The following NRXN3 variants were observed in gnomAD, a reference collection of about 807,000 sequenced individuals.
NRXN3 encodes neurexin 3, also known as neurexin III.
In NRXN3, 32 loss-of-function variants were observed where a neutral mutation model predicts 137.6. The ratio of observed to expected loss-of-function variants is 0.23; its 90% CI spans 0.18 to 0.31. NRXN3 has a LOEUF of 0.31. NRXN3 is among the 10% of genes least tolerant of loss of function. The pLI, the probability that NRXN3 is intolerant of heterozygous loss-of-function variation, is 1.00. For synonymous variants in NRXN3, 798 were observed against 784.5 expected (o/e 1.02, Z -0.29); for missense variants, 1,574 against 2,062.5 (o/e 0.76, Z 4.59).
chr14:78,795,972 A>G lies in NRXN3; in HGVS notation c.2045-7648A>G, dbSNP rs1218263686. ...ACCCCTGCTCCTTGTTTTGGAAGCC[A>G]AAAGGACAAGAGCTTTCTTACCTGC... On this transcript the variant is annotated intron_variant, in intron 8 of 20. Transcript: ENST00000335750. 3.3e-5 allele frequency among the ~76,000 whole-genome samples: 5 copies of G among 152,224 alleles called. No individual in the cohort carries two copies. The East Asian group carries it at 9.6e-4, about 29-fold the overall frequency.
chr14:79,187,855 G>A (rs11159398), intron 15 of NRXN3, among the ~76,000 whole-genome samples: 5,431 of 152,310 alleles, frequency 0.036, 234 homozygotes, highest in East Asian at 0.21. Context: ...TTGAGGACAT[G>A]GGTCATGCCC....
At chr14:79,783,725 G>A (rs1014093587) in intron 19 of NRXN3, among the ~76,000 whole-genome samples, 10 of 152,120 alleles carry the variant, frequency 6.6e-5, no homozygotes, top group Admixed American at 1.3e-4. Flanking sequence ...TATCATGTAT[G>A]TCTTTAGAAT....
At chr14:78,326,553 G>T (rs2080107009) in intron 4 of NRXN3, among the ~76,000 whole-genome samples, 1 of 152,070 alleles carries the variant, frequency 6.6e-6, no homozygotes, top group Non-Finnish European at 1.5e-5. Flanking sequence ...GGAAGTAATT[G>T]AAGGGAAAAA....
chr14:78,609,295 A>T (rs1326162724), intron 4 of NRXN3, among the ~76,000 whole-genome samples: 1 of 152,074 alleles, frequency 6.6e-6, no homozygotes, highest in African/African-American at 2.4e-5. Context: ...CTCCATGAAA[A>T]AAAAAAGGGT....
chr14:78,859,268 C>G (rs1393344920), intron 10 of NRXN3, among the ~76,000 whole-genome samples: 1 of 152,118 alleles, frequency 6.6e-6, no homozygotes, highest in Non-Finnish European at 1.5e-5. Flanking sequence ...TTAAACCTCT[C>G]TCCTTTGTAA....
intron 20 of NRXN3, among the ~76,000 whole-genome samples, chr14:79,815,842 G>A (rs190081425): frequency 1.5e-4 from 23 of 152,174 alleles, no homozygotes; most frequent in Admixed American, 5.9e-4. Context: ...CACTATAGAC[G>A]TCAAGAACCT....
intron 9 of NRXN3, among the ~76,000 whole-genome samples, chr14:78,806,040 C>A (rs2098865481): frequency 1.7e-5 from 2 of 120,978 alleles, no homozygotes; most frequent in South Asian, 6.2e-4. Flanking sequence ...TTCCAATAGA[C>A]TTTGCTTTTT....
At chr14:79,202,908 TG>T (rs2153220039) in intron 15 of NRXN3, among the ~76,000 whole-genome samples, 1 of 152,294 alleles carries the variant, frequency 6.6e-6, no homozygotes, top group South Asian at 2.1e-4. Flanking sequence ...GTAGTGGCAT[TG>T]CTGGGTCAAA....
intron 10 of NRXN3, among the ~76,000 whole-genome samples, chr14:78,844,776 T>C (rs1596423834): frequency 6.6e-6 from 1 of 152,218 alleles, no homozygotes; most frequent in South Asian, 2.1e-4. Context: ...TGGAGTGTGA[T>C]GGTTAATCCC....
intron 4 of NRXN3, among the ~76,000 whole-genome samples, chr14:78,306,616 G>C (rs1267697997): frequency 1.3e-5 from 2 of 152,148 alleles, no homozygotes; most frequent in African/African-American, 4.8e-5. Flanking sequence ...GTGTATATCT[G>C]AGTATAGGTA....
intron 4 of NRXN3, among the ~76,000 whole-genome samples, chr14:78,319,413 C>G (rs1166263867): frequency 6.6e-6 from 1 of 152,168 alleles, no homozygotes; most frequent in East Asian, 1.9e-4. Context: ...TCTGTGTCTA[C>G]CAGACTCCTC....
chr14:78,580,497 C>T (rs748312738), intron 4 of NRXN3, among the ~76,000 whole-genome samples: 4 of 152,200 alleles, frequency 2.6e-5, no homozygotes, highest in Non-Finnish European at 5.9e-5. Flanking sequence ...AGCTCCTTTT[C>T]GTGGAGGAAC....
intron 4 of NRXN3, among the ~76,000 whole-genome samples, chr14:78,456,799 CTCTTTCTTTCTTTCTTTCTTTCTT>C (rs374674586): frequency 3.1e-5 from 3 of 97,690 alleles, no homozygotes; most frequent in African/African-American, 7.0e-5. Context: ...CTCTCTTTCT[CTCTTTCTTTCTTTCTTTCTTTCTT>C]TCTTTCTTTC....
intron 4 of NRXN3, among the ~76,000 whole-genome samples, chr14:78,479,546 G>T (rs552780485): frequency 6.6e-6 from 1 of 152,296 alleles, no homozygotes; most frequent in Non-Finnish European, 1.5e-5. Context: ...CGTAAGGTTT[G>T]TCCCCAGAAC....
chr14:79,407,072 C>A (rs1360848667), intron 15 of NRXN3, among the ~76,000 whole-genome samples: 1 of 152,164 alleles, frequency 6.6e-6, no homozygotes, highest in East Asian at 1.9e-4. Flanking sequence ...CTGATAATGA[C>A]TCTCCTTGGG....
At chr14:79,275,593 C>G (rs2080157764) in intron 15 of NRXN3, among the ~76,000 whole-genome samples, 1 of 152,036 alleles carries the variant, frequency 6.6e-6, no homozygotes. Context: ...CATTTAAATA[C>G]AATCACAAGG....
chr14:78,387,292 G>A (rs2090113149), intron 4 of NRXN3, among the ~76,000 whole-genome samples: 1 of 152,068 alleles, frequency 6.6e-6, no homozygotes, highest in Non-Finnish European at 1.5e-5. Flanking sequence ...ATTTTTTTGG[G>A]TTAGCATCAT....
At chr14:79,023,437 G>A (rs1224935622) in intron 15 of NRXN3, among the ~76,000 whole-genome samples, 1 of 152,050 alleles carries the variant, frequency 6.6e-6, no homozygotes, top group Admixed American at 6.6e-5. Flanking sequence ...AAGCAGGTAA[G>A]GAAAGAAAGA....
chr14:78,645,053 G>A, intron 4 of NRXN3, 67 bp from the exon 5 acceptor site: 1 of 1,370,730 alleles, frequency 7.3e-7, no homozygotes, highest in Non-Finnish European at 9.7e-7. Context: ...TGTTCTCTTT[G>A]GTATTTGCAT....
Sources: gnomAD v4.1 joint callset for allele counts (sites outside exome capture counted in the v4.1 genomes callset) on GRCh38, gnomAD v4.1.1 for gene constraint, MANE v1.5 for transcripts, NCBI Gene and HGNC (gene_info 2026-07-23, HGNC 2026-07-21) for gene names.